Variants in CARF observed in about 807,000 individuals in gnomAD.
CARF encodes calcium responsive transcription factor.
A neutral mutation model predicts 82.0 loss-of-function variants in CARF; 57 were observed. The ratio of observed to expected loss-of-function variants is 0.70; its 90% CI spans 0.56 to 0.87. The LOEUF (loss-of-function observed/expected upper bound fraction) is 0.87. Ranked by LOEUF, CARF falls within the 40% of genes least tolerant of loss-of-function variation. CARF has a pLI of 0.00. For synonymous variants in CARF, 268 were observed against 290.1 expected, an observed-to-expected ratio of 0.92 and a Z score of 0.77; for missense variants, 771 against 855.8, an observed-to-expected ratio of 0.90 and a Z score of 1.24.
At chr2:202,973,020 A>G (rs1345811211) in intron 12 of CARF, among the ~76,000 whole-genome samples, 1 of 152,068 alleles carries the variant, frequency 6.6e-6, no homozygotes, top group Non-Finnish European at 1.5e-5. Context: ...CAAGTGATGC[A>G]CCCAAGAAGA....
chr2:202,921,495 C>T (rs1050069517), intron 2 of CARF, among the ~76,000 whole-genome samples: 1 of 152,084 alleles, frequency 6.6e-6, no homozygotes, highest in Admixed American at 6.6e-5. Flanking sequence ...TGTTCAGTTC[C>T]TCTGTGATAT....
intron 9 of CARF, 34 bp from the exon 10 acceptor site, chr2:202,966,944 T>G (rs754897932): frequency 6.2e-7 from 1 of 1,605,530 alleles, no homozygotes; most frequent in Non-Finnish European, 8.5e-7. Flanking sequence ...GATGGACACT[T>G]GAATTAATAT....
chr2:202,946,050 T>G (rs1373885003), intron 5 of CARF, among the ~76,000 whole-genome samples: 1 of 152,164 alleles, frequency 6.6e-6, no homozygotes, highest in African/African-American at 2.4e-5. Flanking sequence ...GATTTGCATT[T>G]CTCTAATGAT....
intron 3 of CARF, among the ~76,000 whole-genome samples, chr2:202,931,841 C>T (rs1169423647): frequency 6.6e-6 from 1 of 152,218 alleles, no homozygotes; most frequent in African/African-American, 2.4e-5. Context: ...TCTGAATAGA[C>T]TACAAGTAGC....
At chr2:202,947,834 C>T (rs1229917495) in intron 5 of CARF, among the ~76,000 whole-genome samples, 1 of 152,120 alleles carries the variant, frequency 6.6e-6, no homozygotes, top group Non-Finnish European at 1.5e-5. Context: ...GTTTCTTTTG[C>T]TGTATAGAAG....
intron 5 of CARF, among the ~76,000 whole-genome samples, chr2:202,948,209 T>TGTACC (rs1491191771): frequency 6.6e-6 from 1 of 152,006 alleles, no homozygotes; most frequent in Non-Finnish European, 1.5e-5. Context: ...TCCATTGGTC[T>TGTACC]ATATGTCTGT....
intron 9 of CARF, among the ~76,000 whole-genome samples, chr2:202,966,260 A>G (rs1277274265): frequency 2.0e-5 from 3 of 152,232 alleles, no homozygotes; most frequent in Non-Finnish European, 4.4e-5. Flanking sequence ...GAATGCTAGA[A>G]GGCATGGATT....
At chr2:202,980,231 T>G (rs1023783608) in intron 14 of CARF, among the ~76,000 whole-genome samples, 1 of 152,134 alleles carries the variant, frequency 6.6e-6, no homozygotes, top group African/African-American at 2.4e-5. Context: ...GTGCTGAGAT[T>G]ACAAGCGTGA....
In CARF at chr2:202,982,407, T is replaced by A. The variant is rs777340110; in HGVS notation, c.2025T>A (p.Ile675=). ...TTCTGTTGGGAGATGTGCAGACTAT[T>A]CCAATACAGATTATAGACAACCACT... ...HRILLGDVQT[I]PIQIIDNHSA... is the part of the protein sequence containing the mutation. Residue 675 remains isoleucine (I), a synonymous_variant, in exon 16 of 17, where the codon ATT becomes ATA. Transcript: ENST00000438828. The A allele has an allele frequency of 1.2e-6, 2 of 1,613,998 alleles. No homozygotes were observed. Among genetic ancestry groups the A allele is most frequent in the African/African-American group, 2.7e-5 (2 of 74,932 alleles).
chr2:202,949,745 T>G (rs2058674773), intron 5 of CARF, among the ~76,000 whole-genome samples: 1 of 151,930 alleles, frequency 6.6e-6, no homozygotes, highest in East Asian at 1.9e-4. Context: ...GAGACGGGTT[T>G]CATCATGTTG....
intron 11 of CARF, among the ~76,000 whole-genome samples, 159 bp downstream of exon 11, chr2:202,970,221 A>G (rs2059731887): frequency 6.6e-6 from 1 of 152,172 alleles, no homozygotes. Context: ...TTGATTTGCC[A>G]CTGTGTAAGC....
chr2:202,974,829 G>A (rs1263375289), intron 13 of CARF, among the ~76,000 whole-genome samples: 1 of 151,740 alleles, frequency 6.6e-6, no homozygotes, highest in African/African-American at 2.4e-5. Context: ...AACTCAGGAG[G>A]CGGAGTTTGC....
At position 202,917,993 on chromosome 2, in the gene CARF, G is replaced by T. The variant is rs114029826; in HGVS notation, c.-213G>T. Reference sequence around the variant, plus strand: ...GTGGACAAGAAAGGACATTTCTGGGGGTAGTAGAATGCTTGAGGCCTGGAA... The same window carrying T: ...GTGGACAAGAAAGGACATTTCTGGGTGTAGTAGAATGCTTGAGGCCTGGAA... On this transcript the variant is annotated 5_prime_UTR_variant, in exon 2 of 17. Coordinates refer to ENST00000438828, the MANE Select transcript of CARF (RefSeq NM_024744.17). 3.0e-3 allele frequency: 1,339 copies of T among 450,118 alleles called. 12 individuals are homozygous for T. Among genetic ancestry groups the T allele is most frequent in the African/African-American group, 0.024 (1,198 of 49,850 alleles). The allele number at this position is 450,118 out of a possible 1,614,324, so 27.9% of individuals were successfully genotyped here. A position where few individuals can be genotyped will look rare whatever the true frequency, so the allele number is the denominator to read the frequency against.
intron 3 of CARF, among the ~76,000 whole-genome samples, chr2:202,930,968 C>CTTTTCTTTTT (rs1437479316): frequency 9.7e-6 from 1 of 103,216 alleles, no homozygotes; most frequent in African/African-American, 3.7e-5. Context: ...TTTTTCTTTT[C>CTTTTCTTTTT]TTTTTTTTTT....
intron 3 of CARF, among the ~76,000 whole-genome samples, chr2:202,928,206 T>C (rs1692228260): frequency 6.6e-6 from 1 of 152,218 alleles, no homozygotes; most frequent in South Asian, 2.1e-4. Flanking sequence ...ACTTTACACA[T>C]GAGTGAGAAC....
At chr2:202,926,208 A>G (rs757287902) in intron 3 of CARF, among the ~76,000 whole-genome samples, 2 of 152,170 alleles carry the variant, frequency 1.3e-5, no homozygotes, top group Non-Finnish European at 2.9e-5. Context: ...CTGAGGCCCA[A>G]TTGTGGACCT....
intron 1 of CARF, among the ~76,000 whole-genome samples, chr2:202,914,850 A>T (rs920709927): frequency 2.0e-5 from 3 of 152,032 alleles, no homozygotes; most frequent in African/African-American, 7.2e-5. Context: ...CATGGGTAGA[A>T]ATGGATTGCA....
Position 202,922,078 on chromosome 2 carries a change from CTTG to C in CARF, c.-162-2218_-162-2216del, listed in dbSNP as rs766786389. ...CTCTGGCTTCAAGCCATTCTTCCAC[CTTG>C]ACTTCCCAAAGTGCTAAGATTACAG... On this transcript the variant is annotated intron_variant, in intron 2 of 16. Transcript: ENST00000438828. Among the ~76,000 whole-genome samples the C allele has an allele frequency of 6.8e-4, 103 of 152,038 alleles. 1 individual carries two copies. Among genetic ancestry groups the C allele is most frequent in the Non-Finnish European group, 8.2e-4 (56 of 67,988 alleles).
At chr2:202,950,025 A>T (rs551012430) in intron 5 of CARF, among the ~76,000 whole-genome samples, 6 of 152,332 alleles carry the variant, frequency 3.9e-5, no homozygotes, top group Admixed American at 6.5e-5. Context: ...GATAATTTTC[A>T]TGGTCTGCCT....
Sources: gnomAD v4.1 joint callset for allele counts (sites outside exome capture counted in the v4.1 genomes callset) on GRCh38, gnomAD v4.1.1 for gene constraint, MANE v1.5 for transcripts, NCBI Gene and HGNC (gene_info 2026-07-23, HGNC 2026-07-21) for gene names.